Variants in PELP1 observed in about 807,000 individuals in gnomAD.
The protein encoded by PELP1 is proline, glutamate and leucine rich protein 1, also known as proline-, glutamic acid- and leucine-rich protein 1.
PELP1 carries 32 observed loss-of-function variants against 95.5 expected under a neutral mutation model. The ratio of observed to expected loss-of-function variants is 0.34; its 90% CI spans 0.25 to 0.45. The LOEUF (loss-of-function observed/expected upper bound fraction) is 0.45. PELP1 is among the 20% of genes least tolerant of loss of function. The pLI, the probability that PELP1 is intolerant of heterozygous loss-of-function variation, is 1.00. For synonymous variants in PELP1, 668 were observed against 600.1 expected (o/e 1.11, Z -1.65); for missense variants, 1,358 against 1,444.8 (o/e 0.94, Z 0.97).
chr17:4,671,746 G>A lies in PELP1; in HGVS notation c.3245C>T (p.Thr1082Ile). ...GSDKVQPPPE[T>I]PAEEEMETET... ...TGTCTCCATCTCTTCTTCTGCAGGT[G>A]TCTCTGGTGGGGGCTGCACCTTGTC... The change falls in exon 16 of 17, where the codon ACA becomes ATA. Residue 1082 changes from threonine to isoleucine, a missense_variant. Physicochemically the swap from Thr to Ile is moderately conservative, Grantham distance 89. Around this residue, in one of 7 missense-constraint regions of PELP1, gnomAD observed 283 missense variants for 284.1 expected, o/e 1.00. Coordinates refer to ENST00000572293, the MANE Select transcript of PELP1 (RefSeq NM_014389.3). 6.5e-7 allele frequency: 1 copy of A among 1,530,944 alleles called. No individual in the cohort carries two copies. Among genetic ancestry groups the A allele is most frequent in the Non-Finnish European group, 8.7e-7 (1 of 1,144,298 alleles). 94.8% of individuals were successfully genotyped at this position (1,530,944 alleles called of 1,614,324 possible). A position where few individuals can be genotyped will look rare whatever the true frequency, so the allele number is the denominator to read the frequency against.
In PELP1 at chr17:4,678,082, T is replaced by C. The variant is rs557132900; in HGVS notation, c.643-1270A>G. On this transcript the variant is annotated intron_variant, in intron 5 of 16. Coordinates refer to ENST00000572293, the MANE Select transcript of PELP1 (RefSeq NM_014389.3). ...TACAAAAATTAGCTGGGCACAGTGG[T>C]GGGCACCTGTAATCCCAGCTACTTG... Among the ~76,000 whole-genome samples, 71 of 150,900 alleles carry C rather than the reference T, an allele frequency of 4.7e-4. 2 individuals carry two copies. The highest frequency in any genetic ancestry group is 6.9e-3 in the Middle Eastern group (2 of 290).
In PELP1 at chr17:4,704,015, G is replaced by T; in HGVS notation, c.97C>A (p.Leu33Ile). 2 of 1,613,186 alleles carry T rather than the reference G, an allele frequency of 1.2e-6. No homozygotes were observed. Among genetic ancestry groups the T allele is most frequent in the Non-Finnish European group, 1.7e-6 (2 of 1,179,726 alleles). Residue 33 changes from leucine to isoleucine, a missense_variant, in exon 1 of 17, where the codon CTC becomes ATC. Physicochemically the swap from Leu to Ile is conservative, Grantham distance 5. This residue lies in a region of PELP1 where 169 missense variants were observed against 134.9 expected (regional missense o/e 1.25). Coordinates refer to ENST00000572293, the MANE Select transcript of PELP1 (RefSeq NM_014389.3). ...ACACTCTCCAGCAGCAGCAGGCGGA[G>T]CCGCGGGCCCGAGCTCACTGCCGAG... Reference protein sequence around the residue: ...GLSAVSSGPRLRLLLLESVSG... With the variant: ...GLSAVSSGPRIRLLLLESVSG...
Position 4,672,529 on chromosome 17 carries a change from G to A in PELP1, c.2462C>T (p.Pro821Leu). The change falls in exon 16 of 17, where the codon CCT becomes CTT. Residue 821 changes from proline (P) to leucine (L), a missense_variant. Around this residue, in one of 7 missense-constraint regions of PELP1, gnomAD observed 340 missense variants for 322.9 expected, o/e 1.05. Coordinates refer to ENST00000572293, the MANE Select transcript of PELP1 (RefSeq NM_014389.3). ...AGGCTCCTCCTTCGCTGGCACAGGA[G>A]GGGAGGCTGTTGGTGGCCCAGTGGG... Reference protein sequence around the residue: ...IAPTGPPTASPPVPAKEEPEE... With the variant: ...IAPTGPPTASLPVPAKEEPEE... 1.3e-6 allele frequency: 2 copies of A among 1,592,640 alleles called. No individual in the cohort carries two copies. Among genetic ancestry groups the A allele is most frequent in the Non-Finnish European group, 1.7e-6 (2 of 1,170,496 alleles).
In PELP1 at chr17:4,675,213, T is replaced by C. The variant is rs755243347; in HGVS notation, c.1158-18A>G. ...TTCCACACCTGGGGCAGAGAAGGAATGGTGACCCTCGTTTCTGGCACGCCC... is the reference window on the plus strand; with the variant it reads ...TTCCACACCTGGGGCAGAGAAGGAACGGTGACCCTCGTTTCTGGCACGCCC... On this transcript the variant is annotated intron_variant, in intron 10 of 16. Coordinates refer to ENST00000572293, the MANE Select transcript of PELP1 (RefSeq NM_014389.3). This position sits in a 1 kb window ranked among gnomAD's most constrained non-coding sequence, Gnocchi z 4.3. 1 of 1,611,442 alleles carries C rather than the reference T, an allele frequency of 6.2e-7. No individual in the cohort carries two copies. Among genetic ancestry groups the C allele is most frequent in the Non-Finnish European group, 8.5e-7 (1 of 1,178,862 alleles).
At chr17:4,688,917 T>C (rs1912999954) in intron 3 of PELP1, among the ~76,000 whole-genome samples, 1 of 152,186 alleles carries the variant, frequency 6.6e-6, no homozygotes, top group African/African-American at 2.4e-5. Flanking sequence ...AGAACAAATC[T>C]GGGCGCATCA....
Position 4,673,287 on chromosome 17 carries a change from T to C in PELP1, c.1808A>G (p.Gln603Arg), listed in dbSNP as rs778563403. 2 of 1,581,048 alleles carry C rather than the reference T, an allele frequency of 1.3e-6. No homozygotes were observed. Among genetic ancestry groups the C allele is most frequent in the Non-Finnish European group, 1.7e-6 (2 of 1,163,310 alleles). The change falls in exon 15 of 17, where the codon CAA becomes CGA. Residue 603 changes from glutamine to arginine, a missense_variant. By Grantham distance (43) the Gln-to-Arg change is conservative (BLOSUM62 1). This residue lies in a region of PELP1 where 538 missense variants were observed against 628.1 expected (regional missense o/e 0.86). Transcript: ENST00000572293. This position sits in a 1 kb window ranked among gnomAD's most constrained non-coding sequence, Gnocchi z 5.7. Reference sequence around the variant, plus strand: ...TTCTCGCTGGCCGAGGGAGAAGGCTTGCAGGGCACAGGCAAGAGGAGGTGG... The same window carrying C: ...TTCTCGCTGGCCGAGGGAGAAGGCTCGCAGGGCACAGGCAAGAGGAGGTGG... ...RCPPPLACAL[Q>R]AFSLGQREDS...
chr17:4,692,263 C>T (rs1026534751), intron 1 of PELP1, among the ~76,000 whole-genome samples: 1 of 151,856 alleles, frequency 6.6e-6, no homozygotes, highest in African/African-American at 2.4e-5. Context: ...GTCAGGAGAT[C>T]GAGACCATCC....
Position 4,676,497 on chromosome 17 carries a change from T to C in PELP1, c.713A>G (p.Glu238Gly). 1 of 1,613,448 alleles carries C rather than the reference T, an allele frequency of 6.2e-7. No individual in the cohort carries two copies. Among genetic ancestry groups the C allele is most frequent in the East Asian group, 2.2e-5 (1 of 44,860 alleles). Residue 238 changes from glutamate to glycine, a missense_variant, in exon 7 of 17, where the codon GAG (glutamate) becomes GGG (glycine). Glu to Gly is a moderately conservative substitution (Grantham distance 98). Transcript: ENST00000572293. Reference sequence around the variant, plus strand: ...TAAAGAGGGCAGCCGGGAATAACACTCACAGGCCAACTGCGGGAGAAAGGA... The same window carrying C: ...TAAAGAGGGCAGCCGGGAATAACACCCACAGGCCAACTGCGGGAGAAAGGA... ...LSPQLQQLAC[E>G]CYSRLPSLGA...
chr17:4,673,678 G>A lies in PELP1; in HGVS notation c.1583-4C>T. On this transcript the variant is annotated splice_polypyrimidine_tract_variant and splice_region_variant and intron_variant, in intron 13 of 16. Transcript: ENST00000572293. This position sits in a 1 kb window ranked among gnomAD's most constrained non-coding sequence, Gnocchi z 5.7. ...ATGAGGATGGTCCGGCTGAGGCCTG[G>A]GGAAGAAGAATGGTGTGTAAAGGGT... 1 of 1,613,674 alleles carries A rather than the reference G, an allele frequency of 6.2e-7. No individual in the cohort carries two copies. Among genetic ancestry groups the A allele is most frequent in the Non-Finnish European group, 8.5e-7 (1 of 1,179,618 alleles).
chr17:4,687,389 A>G (rs1171814548), intron 3 of PELP1, among the ~76,000 whole-genome samples: 1 of 151,998 alleles, frequency 6.6e-6, no homozygotes, highest in South Asian at 2.1e-4. Flanking sequence ...CGAAAAATAC[A>G]AAAAATTAGC....
chr17:4,672,982 G>C lies in PELP1; in HGVS notation c.2009C>G (p.Pro670Arg). ...FRAPPFHPPGPMPSVGSMPSA... is the reference protein window; with the variant it reads ...FRAPPFHPPGRMPSVGSMPSA... ...GGGCATGGAGCCCACTGAGGGCATGGGGCCCGGAGGATGGAACGGTGGGGC... is the reference window on the plus strand; with the variant it reads ...GGGCATGGAGCCCACTGAGGGCATGCGGCCCGGAGGATGGAACGGTGGGGC... Residue 670 changes from proline to arginine, a missense_variant, in exon 16 of 17, where the codon CCC becomes CGC. This residue lies in a region of PELP1 where 340 missense variants were observed against 322.9 expected (regional missense o/e 1.05). Transcript: ENST00000572293. 1 of 1,573,352 alleles carries C rather than the reference G, an allele frequency of 6.4e-7. No homozygotes were observed. The highest frequency in any genetic ancestry group is 8.6e-7 in the Non-Finnish European group (1 of 1,160,016).
At chr17:4,681,819 G>C (rs1334214480) in intron 5 of PELP1, among the ~76,000 whole-genome samples, 12 of 151,192 alleles carry the variant, frequency 7.9e-5, no homozygotes, top group Non-Finnish European at 1.5e-4. Context: ...AATAAAATAA[G>C]ATATGATGTG....
intron 3 of PELP1, among the ~76,000 whole-genome samples, chr17:4,683,293 T>C (rs1037116232): frequency 6.7e-6 from 1 of 150,304 alleles, no homozygotes; most frequent in African/African-American, 2.4e-5. Flanking sequence ...CGATCTCGGC[T>C]CACTGCAAGC....
intron 12 of PELP1, 66 bp from the exon 13 acceptor site, chr17:4,674,735 C>A: frequency 6.3e-7 from 1 of 1,586,036 alleles, no homozygotes; most frequent in South Asian, 1.1e-5. Flanking sequence ...CCACAGCAGA[C>A]AGTGTTTCCT....
intron 1 of PELP1, among the ~76,000 whole-genome samples, chr17:4,702,747 G>A (rs753889987): frequency 2.6e-5 from 4 of 152,204 alleles, no homozygotes; most frequent in Middle Eastern, 3.2e-3. Flanking sequence ...GGAATGAAGG[G>A]TGGACACAGA....
At chr17:4,683,599 C>T (rs1912798656) in intron 3 of PELP1, among the ~76,000 whole-genome samples, 1 of 143,716 alleles carries the variant, frequency 7.0e-6, no homozygotes, top group South Asian at 2.3e-4. Flanking sequence ...GGGGCAATCT[C>T]AGCTCACTGC....
At position 4,674,618 on chromosome 17, in the gene PELP1, T is replaced by C. The variant is rs201316160; in HGVS notation, c.1474A>G (p.Ser492Gly). 5.9e-5 allele frequency: 94 copies of C among 1,605,846 alleles called. No homozygotes were observed. Among genetic ancestry groups the C allele is most frequent in the Non-Finnish European group, 7.0e-5 (82 of 1,177,726 alleles). Residue 492 changes from serine (S) to glycine (G), a missense_variant, in exon 13 of 17, where the codon AGC becomes GGC. Physicochemically the swap from Ser to Gly is moderately conservative, Grantham distance 56. Transcript: ENST00000572293. ...TCCAGCTTTAGCTTCTTGGGGGCGC[T>C]AGGCTTCCCAGTCTGCAAACTCCCA... ...PDGSLQTGKP[S>G]APKKLKLDVG...
At chr17:4,686,969 G>A (rs1241128620) in intron 3 of PELP1, among the ~76,000 whole-genome samples, 4 of 152,132 alleles carry the variant, frequency 2.6e-5, no homozygotes, top group Admixed American at 2.6e-4. Context: ...TATCTCCCCA[G>A]CCACATCTCA....
intron 1 of PELP1, among the ~76,000 whole-genome samples, chr17:4,702,072 A>G (rs1420479643): frequency 6.6e-6 from 1 of 152,212 alleles, no homozygotes; most frequent in African/African-American, 2.4e-5. Flanking sequence ...ATGATGAAAG[A>G]AATCACACAT....
Sources: gnomAD v4.1 joint callset for allele counts (sites outside exome capture counted in the v4.1 genomes callset) on GRCh38, gnomAD v4.1.1 for gene constraint, gnomAD v4.1.1 regional missense constraint, Gnocchi (gnomAD v3.1) non-coding constraint, MANE v1.5 for transcripts, NCBI Gene and HGNC (gene_info 2026-07-23, HGNC 2026-07-21) for gene names.